NOX4: variants seen among roughly 807,000 people sequenced by gnomAD.
NOX4 encodes the protein NADPH oxidase 4, also known as kidney oxidase-1.
NOX4 carries 69 observed loss-of-function variants against 87.6 expected under a neutral mutation model. That is an observed-to-expected ratio of 0.79 (90% CI 0.65 to 0.96). The LOEUF (loss-of-function observed/expected upper bound fraction) is 0.96, where lower values mean the gene tolerates loss of function less well. Among genes scored for constraint, NOX4 ranks in the 40% least tolerant of loss-of-function variants. The pLI is 0.00. For missense variants in NOX4, 680 were observed against 681.5 expected (o/e 1.00, Z 0.02); for synonymous variants, 275 against 238.2 (o/e 1.15, Z -1.42).
intron 11 of NOX4, among the ~76,000 whole-genome samples, chr11:89,379,387 C>T (rs1200082090): frequency 1.3e-5 from 2 of 151,458 alleles, no homozygotes; most frequent in Middle Eastern, 6.8e-3. Context: ...AAAAAAAAAT[C>T]TGTTTGTGTC....
chr11:89,488,148 A>T (rs77659006), intron 2 of NOX4, among the ~76,000 whole-genome samples: 1 of 152,252 alleles, frequency 6.6e-6, no homozygotes, highest in East Asian at 1.9e-4. Context: ...AGATAGCTCA[A>T]ATATCAACTC....
the NOX4 span, among the ~76,000 whole-genome samples, chr11:89,578,376 G>C: frequency 3.3e-5 from 5 of 152,000 alleles, no homozygotes; most frequent in African/African-American, 7.2e-5. Flanking sequence ...TGGCCAGGAT[G>C]GTCCCTATCT....
the NOX4 span, among the ~76,000 whole-genome samples, chr11:89,560,031 G>A: frequency 6.6e-6 from 1 of 152,034 alleles, no homozygotes; most frequent in African/African-American, 2.4e-5. Flanking sequence ...GGTCTTTGCA[G>A]GTATAATCGA....
At chr11:89,566,603 C>T in the NOX4 span, among the ~76,000 whole-genome samples, 110 of 152,108 alleles carry the variant, frequency 7.2e-4, 1 homozygote, top group African/African-American at 2.6e-3. Context: ...TGCAAAAAAG[C>T]GAGAGGAGCC....
At chr11:89,500,208 G>C (rs184600015), upstream of NOX4, among the ~76,000 whole-genome samples, 1 of 152,114 alleles carries the variant, frequency 6.6e-6, no homozygotes, top group Non-Finnish European at 1.5e-5. Context: ...TTTTGGTTAA[G>C]AAGAAAGTTT....
the NOX4 span, among the ~76,000 whole-genome samples, chr11:89,560,992 CTCTCTATATATATA>C: frequency 1.5e-5 from 1 of 68,212 alleles, no homozygotes; most frequent in Non-Finnish European, 2.6e-5. Context: ...CTCTCTCTCT[CTCTCTATATATATA>C]TATATATATA....
intron 11 of NOX4, among the ~76,000 whole-genome samples, chr11:89,378,020 A>G (rs543453183): frequency 6.6e-6 from 1 of 152,232 alleles, no homozygotes; most frequent in South Asian, 2.1e-4. Context: ...CTCTGATACC[A>G]CTTATTTCTC....
Position 89,432,385 on chromosome 11 carries a change from T to A in NOX4, c.548+399A>T, listed in dbSNP as rs567987287. On this transcript the variant is annotated intron_variant, in intron 7 of 17. Coordinates refer to ENST00000263317, the MANE Select transcript of NOX4 (RefSeq NM_016931.5). The stretch of plus-strand genomic sequence containing the variant: ...TAAATAAAATAAAATAAAATCACAA[T>A]GTTAAATCTTAAAAATAATGAAATA... 8.6e-5 allele frequency among the ~76,000 whole-genome samples: 13 copies of A among 151,938 alleles called. No homozygotes were observed. In the South Asian group the frequency reaches 2.7e-3, roughly 32 times the overall value.
chr11:89,338,673 T>A (rs1945833762), intron 15 of NOX4, among the ~76,000 whole-genome samples: 1 of 152,078 alleles, frequency 6.6e-6, no homozygotes, highest in Admixed American at 6.6e-5. Flanking sequence ...TCCTTTCTCT[T>A]CTTTCAGGAC....
chr11:89,527,703 T>C, the NOX4 span, among the ~76,000 whole-genome samples: 1 of 152,170 alleles, frequency 6.6e-6, no homozygotes, highest in Non-Finnish European at 1.5e-5. Flanking sequence ...AATTGATGTT[T>C]GGGAACCTGT....
At chr11:89,411,917 C>T (rs2135228374) in intron 8 of NOX4, among the ~76,000 whole-genome samples, 1 of 152,114 alleles carries the variant, frequency 6.6e-6, no homozygotes, top group Non-Finnish European at 1.5e-5. Context: ...CTGCTGGTTA[C>T]AAGAAACACA....
At chr11:89,352,313 C>A (rs143687641) in intron 13 of NOX4, among the ~76,000 whole-genome samples, 4,700 of 152,202 alleles carry the variant, frequency 0.031, 230 homozygotes, top group African/African-American at 0.11. Flanking sequence ...AGTCAACCAA[C>A]AGCTATGATG....
At chr11:89,435,053 T>C (rs894980179) in intron 6 of NOX4, among the ~76,000 whole-genome samples, 1 of 152,042 alleles carries the variant, frequency 6.6e-6, no homozygotes, top group Non-Finnish European at 1.5e-5. Context: ...GGTTCCACTA[T>C]TGTGTATGTA....
intron 2 of NOX4, among the ~76,000 whole-genome samples, chr11:89,473,381 T>C (rs950717640): frequency 2.0e-5 from 3 of 152,050 alleles, no homozygotes; most frequent in African/African-American, 7.2e-5. Flanking sequence ...GCCTCATTCC[T>C]CTTTATCTTT....
intron 13 of NOX4, among the ~76,000 whole-genome samples, chr11:89,352,325 A>C (rs113200553): frequency 6.6e-6 from 1 of 152,152 alleles, no homozygotes; most frequent in Non-Finnish European, 1.5e-5. Context: ...GCTATGATGT[A>C]GATGTACAAG....
the NOX4 span, among the ~76,000 whole-genome samples, chr11:89,524,142 T>G: frequency 6.6e-6 from 1 of 152,178 alleles, no homozygotes; most frequent in Non-Finnish European, 1.5e-5. Flanking sequence ...CTGTTTATTC[T>G]CCATAAGTTC....
chr11:89,406,652 G>A (rs1942204178), intron 8 of NOX4, among the ~76,000 whole-genome samples: 1 of 152,078 alleles, frequency 6.6e-6, no homozygotes, highest in South Asian at 2.1e-4. Flanking sequence ...AGTCTCTGAT[G>A]ACCAACATAG....
chr11:89,376,242 A>C (rs1939827104), intron 11 of NOX4, among the ~76,000 whole-genome samples: 1 of 152,198 alleles, frequency 6.6e-6, no homozygotes, highest in African/African-American at 2.4e-5. Context: ...AACAGTCTTT[A>C]AGCATGTAAC....
intron 11 of NOX4, among the ~76,000 whole-genome samples, chr11:89,394,709 G>A (rs1941357478): frequency 6.6e-6 from 1 of 151,800 alleles, no homozygotes; most frequent in Non-Finnish European, 1.5e-5. Flanking sequence ...GTGTACAAGT[G>A]TTCTCATTCT....
Sources: allele counts gnomAD v4.1 joint callset (sites outside exome capture counted in the v4.1 genomes callset), GRCh38; gene constraint gnomAD v4.1.1; transcripts MANE v1.5; gene names NCBI Gene and HGNC (gene_info 2026-07-23, HGNC 2026-07-21).